SHMT1: variants seen among roughly 807,000 people sequenced by gnomAD.
The protein encoded by SHMT1 is serine hydroxymethyltransferase 1, also known as serine hydroxymethyltransferase, cytosolic.
SHMT1 carries 45 observed loss-of-function variants against 49.0 expected under a neutral mutation model. That is an observed-to-expected ratio of 0.92 (90% CI 0.72 to 1.18). The LOEUF is 1.18. SHMT1 is among the 50% of genes most tolerant of loss of function. The pLI is 0.00. For missense variants in SHMT1, 541 were observed against 612.4 expected (o/e 0.88, Z 1.23); for synonymous variants, 232 against 246.6 (o/e 0.94, Z 0.55).
chr17:18,347,428 C>T (rs1015405175), intron 5 of SHMT1, 68 bp downstream of exon 5: 172 of 1,571,796 alleles, frequency 1.1e-4, no homozygotes, highest in Non-Finnish European at 2.3e-5. Flanking sequence ...AAACTTACCC[C>T]TGCAGGCACA....
chr17:18,335,853 C>G (rs868852810), intron 7 of SHMT1, among the ~76,000 whole-genome samples, 178 bp from the exon 8 acceptor site: 2 of 152,170 alleles, frequency 1.3e-5, no homozygotes, highest in Admixed American at 6.6e-5. Flanking sequence ...GAGGGCAGAC[C>G]AGTATCTTTA....
intron 3 of SHMT1, 127 bp downstream of exon 3, chr17:18,353,545 G>A (rs765571788): frequency 6.8e-5 from 66 of 975,356 alleles, no homozygotes; most frequent in African/African-American, 1.6e-4. Flanking sequence ...GAGAGCAGGC[G>A]TGGAACAGAA....
At chr17:18,353,620 G>A (rs766348419) in intron 3 of SHMT1, 52 bp downstream of exon 3, 9 of 1,586,066 alleles carry the variant, frequency 5.7e-6, no homozygotes, top group Non-Finnish European at 7.8e-6. Flanking sequence ...TAGGCTGACT[G>A]AGTACTCCCT....
At chr17:18,343,689 T>G (rs1175251282) in intron 5 of SHMT1, among the ~76,000 whole-genome samples, 1 of 146,766 alleles carries the variant, frequency 6.8e-6, no homozygotes, top group Non-Finnish European at 1.5e-5. Context: ...GGAGGCTGAG[T>G]TGGACAGATC....
Position 18,328,626 on chromosome 17 carries a change from C to G in SHMT1, c.*124G>C. 9.7e-7 allele frequency: 1 copy of G among 1,025,692 alleles called. No homozygotes were observed. Among genetic ancestry groups the G allele is most frequent in the Non-Finnish European group, 1.4e-6 (1 of 708,032 alleles). 63.5% of individuals were successfully genotyped at this position (1,025,692 alleles called of 1,614,324 possible). ...AACATGAAAAAAGTCCAAAAGAAAC[C>G]CCCTCAAAGGGCCCGAGTGTCAACA... is the stretch of plus-strand genomic sequence containing the variant. On this transcript the variant is annotated 3_prime_UTR_variant, in exon 12 of 12. Coordinates refer to ENST00000316694, the MANE Select transcript of SHMT1 (RefSeq NM_004169.5).
intron 3 of SHMT1, among the ~76,000 whole-genome samples, chr17:18,348,870 T>C (rs2151592619): frequency 6.6e-6 from 1 of 150,418 alleles, no homozygotes; most frequent in East Asian, 2.0e-4. Flanking sequence ...CCCAGCTACT[T>C]GGGAGGCTGA....
At position 18,328,291 on chromosome 17, in the gene SHMT1, A is replaced by T. The variant is rs138762756; in HGVS notation, c.*459T>A. The T allele has an allele frequency of 1.3e-4, 26 of 199,754 alleles. No individual in the cohort carries two copies. In the East Asian group the frequency reaches 3.2e-3, roughly 24 times the overall value. 12.4% of individuals were successfully genotyped at this position (199,754 alleles called of 1,614,324 possible). A position where few individuals can be genotyped will look rare whatever the true frequency, so the allele number is the denominator to read the frequency against. On this transcript the variant is annotated 3_prime_UTR_variant, in exon 12 of 12. Transcript: ENST00000316694. ...CAGCAGAAGCCTCAGAAGCTAATTC[A>T]GTTCTCCTTTGGCATGCCACTGGAT...
At chr17:18,337,164 G>C (rs1473698906) in intron 7 of SHMT1, among the ~76,000 whole-genome samples, 1 of 152,092 alleles carries the variant, frequency 6.6e-6, no homozygotes, top group Non-Finnish European at 1.5e-5. Context: ...GCAGTCCAAA[G>C]GGACAGGTAC....
chr17:18,360,827 A>C (rs1445258447), intron 1 of SHMT1, among the ~76,000 whole-genome samples: 10 of 152,040 alleles, frequency 6.6e-5, no homozygotes, highest in African/African-American at 1.9e-4. Flanking sequence ...GGACCACAAG[A>C]GTCAAGACCA....
chr17:18,328,597 A>G lies in SHMT1; in HGVS notation c.*153T>C, dbSNP rs1982808277. 1.3e-6 allele frequency: 1 copy of G among 752,292 alleles called. No individual in the cohort carries two copies. The highest frequency in any genetic ancestry group is 2.8e-5 in the Admixed American group (1 of 35,224). 46.6% of individuals were successfully genotyped at this position (752,292 alleles called of 1,614,324 possible). On this transcript the variant is annotated 3_prime_UTR_variant, in exon 12 of 12. Coordinates refer to ENST00000316694, the MANE Select transcript of SHMT1 (RefSeq NM_004169.5). Reference sequence around the variant, plus strand: ...GACTTAAACAAATTTTGATTTGTGAAGAAAACATGAAAAAAGTCCAAAAGA... The same window carrying G: ...GACTTAAACAAATTTTGATTTGTGAGGAAAACATGAAAAAAGTCCAAAAGA...
rs1335195719 is a variant in SHMT1 at position 18,328,874 on chromosome 17, G to T, written c.1328C>A (p.Ala443Asp). The change falls in exon 12 of 12, where the codon GCC (alanine) becomes GAC (aspartate). Residue 443 changes from alanine (A) to aspartate (D), a missense_variant. Ala to Asp is a moderately radical substitution (Grantham distance 126). Coordinates refer to ENST00000316694, the MANE Select transcript of SHMT1 (RefSeq NM_004169.5). ...TCTCTCCTTGAACTCTTTCAGGGTG[G>T]CTCTGACACCAGTGTCGCTCTGGAT... ...LQIQSDTGVR[A>D]TLKEFKERLA... 4 of 1,613,816 alleles carry T rather than the reference G, an allele frequency of 2.5e-6. No individual in the cohort carries two copies. Among genetic ancestry groups the T allele is most frequent in the Non-Finnish European group, 3.4e-6 (4 of 1,180,032 alleles).
At chr17:18,344,927 C>A (rs751753040) in intron 5 of SHMT1, among the ~76,000 whole-genome samples, 1 of 152,188 alleles carries the variant, frequency 6.6e-6, no homozygotes, top group Non-Finnish European at 1.5e-5. Context: ...TGGAGGCAGG[C>A]GGTCTGGTGA....
chr17:18,345,352 G>A lies in SHMT1; in HGVS notation c.519+2144C>T, dbSNP rs1567782842. ...GGCTCACTGCAACCTCCGCCTCCCA[G>A]GTTCAAGTGGTTCTCCTGCCTCAGC... is the stretch of plus-strand genomic sequence containing the variant. On this transcript the variant is annotated intron_variant, in intron 5 of 11. Coordinates refer to ENST00000316694, the MANE Select transcript of SHMT1 (RefSeq NM_004169.5). Among the ~76,000 whole-genome samples the A allele has an allele frequency of 3.3e-5, 5 of 152,146 alleles. No homozygotes were observed. In the South Asian group the frequency reaches 1.0e-3, roughly 32 times the overall value.
Position 18,340,345 on chromosome 17 carries a change from A to C in SHMT1, c.602-90T>G, listed in dbSNP as rs1984363223. On this transcript the variant is annotated intron_variant, in intron 6 of 11. Transcript: ENST00000316694. The surrounding 1 kb of genome is among the most constrained non-coding windows in gnomAD (Gnocchi z 4.5). Reference sequence around the variant, plus strand: ...AGTGGCCTCTAGATGTGCAGATCTGAAAGCCCAGAGATTTCTTCCCTTAAA... The same window carrying C: ...AGTGGCCTCTAGATGTGCAGATCTGCAAGCCCAGAGATTTCTTCCCTTAAA... The C allele has an allele frequency of 7.5e-7, 1 of 1,332,866 alleles. No homozygotes were observed. Among genetic ancestry groups the C allele is most frequent in the African/African-American group, 1.4e-5 (1 of 69,422 alleles). The allele number at this position is 1,332,866 out of a possible 1,614,324, so 82.6% of individuals were successfully genotyped here. A position where few individuals can be genotyped will look rare whatever the true frequency, so the allele number is the denominator to read the frequency against.
chr17:18,350,397 G>A (rs557524788), intron 3 of SHMT1, among the ~76,000 whole-genome samples: 1 of 152,036 alleles, frequency 6.6e-6, no homozygotes, highest in Non-Finnish European at 1.5e-5. Context: ...TGTAATCCTA[G>A]TAATATGGAA....
chr17:18,343,755 A>G lies in SHMT1; in HGVS notation c.520-2942T>C, dbSNP rs1984783396. Among the ~76,000 whole-genome samples, 3 of 150,372 alleles carry G rather than the reference A, an allele frequency of 2.0e-5. No homozygotes were observed. In the South Asian group the frequency reaches 6.3e-4, roughly 32 times the overall value. On this transcript the variant is annotated intron_variant, in intron 5 of 11. Transcript: ENST00000316694. ...GGCAACATGGCAAAACCTTGTCTCC[A>G]CAAAAAATACAAAAATTAGCCAGGC... is the stretch of plus-strand genomic sequence containing the variant.
chr17:18,359,877 C>T (rs1304429223), intron 1 of SHMT1, among the ~76,000 whole-genome samples: 1 of 150,888 alleles, frequency 6.6e-6, no homozygotes, highest in Non-Finnish European at 1.5e-5. Flanking sequence ...ACCCAGGAGG[C>T]GGAGACTGTA....
At chr17:18,333,439 A>G (rs953495542) in intron 8 of SHMT1, 151 bp from the exon 9 acceptor site, 10 of 449,682 alleles carry the variant, frequency 2.2e-5, no homozygotes, top group African/African-American at 8.3e-5. Flanking sequence ...CCAAAATGAT[A>G]TATTTTTAAA....
intron 10 of SHMT1, 98 bp downstream of exon 10, chr17:18,330,457 G>C: frequency 1.1e-6 from 1 of 933,910 alleles, no homozygotes; most frequent in South Asian, 1.3e-5. Flanking sequence ...TTTTATGTGA[G>C]GTCTGTCCCC....
Sources: gnomAD v4.1 joint callset for allele counts (sites outside exome capture counted in the v4.1 genomes callset) on GRCh38, gnomAD v4.1.1 for gene constraint, Gnocchi (gnomAD v3.1) non-coding constraint, MANE v1.5 for transcripts, NCBI Gene and HGNC (gene_info 2026-07-23, HGNC 2026-07-21) for gene names.